TGFBR1: variants seen among roughly 807,000 people sequenced by gnomAD.
The protein encoded by TGFBR1 is TGF-beta receptor type-1.
A neutral mutation model predicts 55.1 loss-of-function variants in TGFBR1; 20 were observed. That is an observed-to-expected ratio of 0.36 (90% CI 0.26 to 0.53). TGFBR1 has a LOEUF of 0.53. TGFBR1 is among the 20% of genes least tolerant of loss of function. The pLI, the probability that TGFBR1 is intolerant of heterozygous loss-of-function variation, is 0.91. For synonymous variants in TGFBR1, 220 were observed against 214.8 expected (o/e 1.02, Z -0.21); for missense variants, 385 against 617.6 (o/e 0.62, Z 3.99).
chr9:99,127,402 G>T (rs1173236397), intron 1 of TGFBR1, among the ~76,000 whole-genome samples: 1 of 152,178 alleles, frequency 6.6e-6, no homozygotes, highest in Non-Finnish European at 1.5e-5. Context: ...GCAGTAATAG[G>T]TGTTCACTGT....
chr9:99,147,526 T>C, intron 7 of TGFBR1, 128 bp from the exon 8 acceptor site: 2 of 864,312 alleles, frequency 2.3e-6, no homozygotes, highest in Non-Finnish European at 3.6e-6. Flanking sequence ...TAGAGAAAGC[T>C]GTAATCTCTG....
chr9:99,126,863 C>T (rs568951574), intron 1 of TGFBR1, among the ~76,000 whole-genome samples: 98 of 152,240 alleles, frequency 6.4e-4, no homozygotes, highest in Middle Eastern at 3.4e-3. Flanking sequence ...AAATAGCTGA[C>T]CTGTCTATGA....
Position 99,150,978 on chromosome 9 carries a change from G to A in TGFBR1, c.*1673G>A. The A allele has an allele frequency of 4.4e-6, 1 of 226,946 alleles. No individual in the cohort carries two copies. The highest frequency in any genetic ancestry group is 8.8e-6 in the Non-Finnish European group (1 of 113,860). The allele number at this position is 226,946 out of a possible 1,614,324, so 14.1% of individuals were successfully genotyped here. A position where few individuals can be genotyped will look rare whatever the true frequency, so the allele number is the denominator to read the frequency against. On this transcript the variant is annotated 3_prime_UTR_variant, in exon 9 of 9. Coordinates refer to ENST00000374994, the MANE Select transcript of TGFBR1 (RefSeq NM_004612.4). ...TATCATAGCTCTGAGGCAAGACTTC[G>A]ACTTTATAGTGCTATCAGTTCCCCG...
In TGFBR1 at chr9:99,140,768, C is replaced by T. The variant is rs1164124307; in HGVS notation, c.806-1768C>T. Reference sequence around the variant, plus strand: ...ATGGTTTCAAACTCTACCATGTTGGCAACTCTCAAATCTCCATTTGAAAGC... The same window carrying T: ...ATGGTTTCAAACTCTACCATGTTGGTAACTCTCAAATCTCCATTTGAAAGC... On this transcript the variant is annotated intron_variant, in intron 4 of 8. Coordinates refer to ENST00000374994, the MANE Select transcript of TGFBR1 (RefSeq NM_004612.4). Among the ~76,000 whole-genome samples, 9 of 152,166 alleles carry T rather than the reference C, an allele frequency of 5.9e-5. No individual in the cohort carries two copies. In the East Asian group the frequency reaches 1.5e-3, roughly 26 times the overall value.
rs367559072 is a variant in TGFBR1, at chr9:99,135,685, A to C, written c.575-2174A>C. ...GCTTATGAGCTCTTGTAATATATGC[A>C]TGTTGTTCGGGTCTTATTTCCTGTT... is the stretch of plus-strand genomic sequence containing the variant. On this transcript the variant is annotated intron_variant, in intron 3 of 8. Coordinates refer to ENST00000374994, the MANE Select transcript of TGFBR1 (RefSeq NM_004612.4). Among the ~76,000 whole-genome samples the C allele has an allele frequency of 4.6e-5, 7 of 152,110 alleles. No individual in the cohort carries two copies. The South Asian group carries it at 8.3e-4, about 18-fold the overall frequency.
intron 1 of TGFBR1, among the ~76,000 whole-genome samples, chr9:99,118,644 T>C (rs1026225841): frequency 7.4e-5 from 10 of 135,196 alleles, no homozygotes; most frequent in Non-Finnish European, 1.4e-4. Flanking sequence ...GTTTTCTTTC[T>C]TTTTTTTTTT....
At chr9:99,136,621 A>G (rs1827445821) in intron 3 of TGFBR1, among the ~76,000 whole-genome samples, 1 of 152,194 alleles carries the variant, frequency 6.6e-6, no homozygotes, top group African/African-American at 2.4e-5. Flanking sequence ...ACAAACAGTT[A>G]TTTATAGTTA....
chr9:99,129,735 A>G (rs1210722945), intron 2 of TGFBR1, among the ~76,000 whole-genome samples: 2 of 152,058 alleles, frequency 1.3e-5, no homozygotes, highest in East Asian at 1.9e-4. Flanking sequence ...CCCTATCTCT[A>G]CTAAAATAAC....
At position 99,111,099 on chromosome 9, in the gene TGFBR1, T is replaced by C. The variant is rs535935058; in HGVS notation, c.97+5797T>C. On this transcript the variant is annotated intron_variant, in intron 1 of 8. Transcript: ENST00000374994. ...CTAACAGTCTTTCTTTAACATTATA[T>C]TTTTAGGTAATTTGAATCTTCCTGA... Among the ~76,000 whole-genome samples, 3 of 152,286 alleles carry C rather than the reference T, an allele frequency of 2.0e-5. No homozygotes were observed. The South Asian group carries it at 6.2e-4, about 32-fold the overall frequency.
At chr9:99,145,122 T>C (rs1827751388) in intron 6 of TGFBR1, among the ~76,000 whole-genome samples, 1 of 152,236 alleles carries the variant, frequency 6.6e-6, no homozygotes, top group Non-Finnish European at 1.5e-5. Flanking sequence ...ATGTTAATTA[T>C]AATAACAGTA....
chr9:99,108,615 G>T (rs1826480251), intron 1 of TGFBR1, among the ~76,000 whole-genome samples: 2 of 152,160 alleles, frequency 1.3e-5, no homozygotes, highest in South Asian at 4.1e-4. Context: ...AATTCAGAGG[G>T]GGATTTGATG....
chr9:99,112,063 A>C (rs1826600816), intron 1 of TGFBR1, among the ~76,000 whole-genome samples: 1 of 152,170 alleles, frequency 6.6e-6, no homozygotes, highest in Admixed American at 6.5e-5. Context: ...TAAGAGGAGA[A>C]ATGGAAGTTC....
At chr9:99,105,357 C>T in intron 1 of TGFBR1, 55 bp downstream of exon 1, 1 of 978,080 alleles carries the variant, frequency 1.0e-6, no homozygotes, top group Middle Eastern at 5.2e-4. Flanking sequence ...CGGACCCGGC[C>T]TCTGGCTCGC....
intron 1 of TGFBR1, 67 bp downstream of exon 1, chr9:99,105,369 C>T (rs1011394508): frequency 7.2e-6 from 7 of 975,448 alleles, no homozygotes; most frequent in African/African-American, 5.3e-5. Context: ...CTGGCTCGCT[C>T]CTGCTCTTTC....
chr9:99,107,925 G>C (rs1219994957), intron 1 of TGFBR1, among the ~76,000 whole-genome samples: 3 of 152,114 alleles, frequency 2.0e-5, no homozygotes, highest in Non-Finnish European at 4.4e-5. Flanking sequence ...TTTAGTTCTT[G>C]AATTCTTTGT....
intron 1 of TGFBR1, 150 bp from the exon 2 acceptor site, chr9:99,128,705 A>C (rs759747415): frequency 4.8e-6 from 5 of 1,033,396 alleles, no homozygotes; most frequent in Non-Finnish European, 7.3e-6. Flanking sequence ...TCTAAGAGCA[A>C]CAAATAGTTG....
In TGFBR1 at chr9:99,152,007, C is replaced by T. The variant is rs1009361997; in HGVS notation, c.*2702C>T. On this transcript the variant is annotated 3_prime_UTR_variant, in exon 9 of 9. Transcript: ENST00000374994. ...AGGAGAAATGGGGATGGGGGAAATA[C>T]GACTTAGTGAGGCATAGACATCCCT... The T allele has an allele frequency of 2.0e-5, 4 of 197,514 alleles. No individual in the cohort carries two copies. Among genetic ancestry groups the T allele is most frequent in the East Asian group, 1.6e-4 (2 of 12,772 alleles). The allele number at this position is 197,514 out of a possible 1,614,324, so 12.2% of individuals were successfully genotyped here. A position where few individuals can be genotyped will look rare whatever the true frequency, so the allele number is the denominator to read the frequency against.
chr9:99,133,516 C>T (rs1349470066), intron 3 of TGFBR1, among the ~76,000 whole-genome samples: 9 of 152,174 alleles, frequency 5.9e-5, no homozygotes, highest in Admixed American at 4.6e-4. Flanking sequence ...AGGAACACTC[C>T]TATCCCCTGT....
In TGFBR1 at chr9:99,146,495, C is replaced by T. The variant is rs760555508; in HGVS notation, c.1141C>T (p.Pro381Ser). 53 of 1,613,642 alleles carry T rather than the reference C, an allele frequency of 3.3e-5. No homozygotes were observed. The South Asian group carries it at 4.8e-4, about 15-fold the overall frequency. The change falls in exon 7 of 9, where the codon CCT (proline) becomes TCT (serine). Residue 381 changes from proline to serine, a missense_variant. Pro to Ser is a moderately conservative substitution (Grantham distance 74, BLOSUM62 -1). Around this residue, in one of 5 missense-constraint regions of TGFBR1, gnomAD observed 110 missense variants for 154.6 expected, o/e 0.71. Coordinates refer to ENST00000374994, the MANE Select transcript of TGFBR1 (RefSeq NM_004612.4). ...GCAAATTTTTTTTAGGTACATGGCC[C>T]CTGAAGTTCTCGATGATTCCATAAA... is the stretch of plus-strand genomic sequence containing the variant. ...HRVGTKRYMA[P>S]EVLDDSINMK...
Sources: gnomAD v4.1 joint callset for allele counts (sites outside exome capture counted in the v4.1 genomes callset) on GRCh38, gnomAD v4.1.1 for gene constraint, gnomAD v4.1.1 regional missense constraint, MANE v1.5 for transcripts, NCBI Gene and HGNC (gene_info 2026-07-23, HGNC 2026-07-21) for gene names.